Variants in TMEM65 observed in about 807,000 individuals in gnomAD.
TMEM65 encodes transmembrane protein 65.
TMEM65 carries 22 observed loss-of-function variants against 25.4 expected under a neutral mutation model. The ratio of observed to expected loss-of-function variants is 0.86; its 90% confidence interval spans 0.62 to 1.23. The LOEUF is 1.23. TMEM65 is among the 50% of genes most tolerant of loss of function. TMEM65 has a pLI of 0.00. For missense variants in TMEM65, 262 were observed against 308.2 expected, an observed-to-expected ratio of 0.85 and a Z score of 1.12; for synonymous variants, 132 against 126.2, an observed-to-expected ratio of 1.05 and a Z score of -0.31.
At chr8:124,351,699 T>G (rs1586469691) in intron 1 of TMEM65, among the ~76,000 whole-genome samples, 1 of 152,178 alleles carries the variant, frequency 6.6e-6, no homozygotes, top group Admixed American at 6.5e-5. Flanking sequence ...CCAGGGTCAC[T>G]TCCCCTGAAA....
At position 124,311,933 on chromosome 8, in the gene TMEM65, T is replaced by C. The variant is rs1814166858; in HGVS notation, c.*2027A>G. 6.6e-6 allele frequency: 1 copy of C among 152,526 alleles called. No individual in the cohort carries two copies. Among genetic ancestry groups the C allele is most frequent in the South Asian group, 2.1e-4 (1 of 4,824 alleles). 9.4% of individuals were successfully genotyped at this position (152,526 alleles called of 1,614,324 possible). ...AACCAGTAATTCCCTGGGACCAGAT[T>C]ACTTTCAAGAGCAAGAAGAAAAAAC... On this transcript the variant is annotated 3_prime_UTR_variant, in exon 7 of 7. Coordinates refer to ENST00000297632, the MANE Select transcript of TMEM65 (RefSeq NM_194291.3).
intron 6 of TMEM65, among the ~76,000 whole-genome samples, chr8:124,315,922 G>A (rs1814232018): frequency 1.3e-5 from 2 of 152,098 alleles, no homozygotes; most frequent in Admixed American, 1.3e-4. Flanking sequence ...TATATGCATA[G>A]AGAAATCATT....
At chr8:124,339,050 G>A (rs958403873) in intron 1 of TMEM65, among the ~76,000 whole-genome samples, 42 of 150,926 alleles carry the variant, frequency 2.8e-4, no homozygotes, top group African/African-American at 8.0e-4. Flanking sequence ...TTAGCTGGGC[G>A]TGGTGGCAGG....
chr8:124,326,743 G>C (rs1226709428), intron 3 of TMEM65, among the ~76,000 whole-genome samples: 1 of 151,964 alleles, frequency 6.6e-6, no homozygotes, highest in Non-Finnish European at 1.5e-5. Flanking sequence ...TCCATTAGCA[G>C]GCCTTATATA....
chr8:124,319,620 G>A (rs998988303), intron 6 of TMEM65, among the ~76,000 whole-genome samples: 2 of 151,442 alleles, frequency 1.3e-5, no homozygotes, highest in African/African-American at 2.4e-5. Flanking sequence ...TCAAAAATCG[G>A]CTTAGATCTA....
chr8:124,333,470 C>CGT (rs10660640), intron 1 of TMEM65, among the ~76,000 whole-genome samples: 54,303 of 148,916 alleles, frequency 0.36, 9,691 homozygotes, highest in East Asian at 0.4. Context: ...TGTGTGTGTG[C>CGT]GTGTGTGTGT....
intron 1 of TMEM65, among the ~76,000 whole-genome samples, chr8:124,356,628 T>C (rs1476847184): frequency 6.6e-6 from 1 of 152,214 alleles, no homozygotes; most frequent in Non-Finnish European, 1.5e-5. Context: ...TTTCACGTTA[T>C]TAAATCTAAT....
intron 3 of TMEM65, 73 bp downstream of exon 3, chr8:124,327,281 A>G (rs1814375832): frequency 1.9e-6 from 2 of 1,045,292 alleles, no homozygotes; most frequent in Admixed American, 2.5e-5. Context: ...ATCACAATAG[A>G]AAAATTATTA....
chr8:124,371,677 C>A, intron 1 of TMEM65, among the ~76,000 whole-genome samples, 177 bp downstream of exon 1: 1 of 152,056 alleles, frequency 6.6e-6, no homozygotes, highest in East Asian at 1.9e-4. Context: ...GAAACTCGGG[C>A]GGCGGAAAGT....
At chr8:124,319,981 C>A (rs983864857) in intron 6 of TMEM65, 105 bp downstream of exon 6, 2 of 797,024 alleles carry the variant, frequency 2.5e-6, no homozygotes, top group Non-Finnish European at 3.8e-6. Flanking sequence ...TTGTTAAAAA[C>A]TCCATTCAAA....
At chr8:124,352,601 T>G (rs1465931570) in intron 1 of TMEM65, among the ~76,000 whole-genome samples, 1 of 152,116 alleles carries the variant, frequency 6.6e-6, no homozygotes, top group Admixed American at 6.6e-5. Flanking sequence ...GACAGACTCC[T>G]AGAAGAGGTA....
In TMEM65 at chr8:124,312,963, A is replaced by C. The variant is rs1053417776; in HGVS notation, c.*997T>G. On this transcript the variant is annotated 3_prime_UTR_variant, in exon 7 of 7. Coordinates refer to ENST00000297632, the MANE Select transcript of TMEM65 (RefSeq NM_194291.3). ...CTTATTCCATTCAGATGAGAAGATG[A>C]CATCTTTGGAGGGAAAAAAAAAAAC... 8.6e-5 allele frequency: 13 copies of C among 150,682 alleles called. No individual in the cohort carries two copies. Among genetic ancestry groups the C allele is most frequent in the African/African-American group, 3.2e-4 (13 of 40,454 alleles). The allele number at this position is 150,682 out of a possible 1,614,324, so 9.3% of individuals were successfully genotyped here.
intron 3 of TMEM65, among the ~76,000 whole-genome samples, chr8:124,323,997 TGAA>T (rs1814336735): frequency 6.6e-6 from 1 of 152,090 alleles, no homozygotes; most frequent in Admixed American, 6.6e-5. Context: ...ATCATTCCTC[TGAA>T]GAAAAGAGGG....
chr8:124,346,909 A>G (rs1814645824), intron 1 of TMEM65, among the ~76,000 whole-genome samples: 1 of 152,254 alleles, frequency 6.6e-6, no homozygotes, highest in African/African-American at 2.4e-5. Flanking sequence ...TAGAACCAAA[A>G]GTTCAAATGA....
At chr8:124,338,165 A>G (rs72711174) in intron 1 of TMEM65, among the ~76,000 whole-genome samples, 52,113 of 151,906 alleles carry the variant, frequency 0.34, 10,124 homozygotes, top group Non-Finnish European at 0.44. Context: ...AAAGCATTAA[A>G]TAATGAATAT....
chr8:124,320,541 T>C (rs1393632834), intron 5 of TMEM65, among the ~76,000 whole-genome samples: 3 of 152,198 alleles, frequency 2.0e-5, no homozygotes, highest in African/African-American at 4.8e-5. Flanking sequence ...TTTGTACAGA[T>C]AATTAGAATT....
chr8:124,367,695 T>C (rs189842499), intron 1 of TMEM65, among the ~76,000 whole-genome samples: 3 of 152,328 alleles, frequency 2.0e-5, no homozygotes, highest in African/African-American at 7.2e-5. Context: ...TTATACTATA[T>C]GGCAAGTTCT....
chr8:124,354,925 A>G (rs1404667726), intron 1 of TMEM65, among the ~76,000 whole-genome samples: 1 of 152,256 alleles, frequency 6.6e-6, no homozygotes, highest in Non-Finnish European at 1.5e-5. Flanking sequence ...TTGTTGTGCC[A>G]TACTTGAAAC....
In TMEM65 at chr8:124,371,889, T is replaced by C; in HGVS notation, c.269A>G (p.Glu90Gly). 6.5e-7 allele frequency: 1 copy of C among 1,549,402 alleles called. No homozygotes were observed. The highest frequency in any genetic ancestry group is 8.7e-7 in the Non-Finnish European group (1 of 1,152,776). ...GGCAATAGACTCGAAGCGGTGCAGC[T>C]CTTTGAGCAGGCAGCTCCTCTCCGT... ...HSTERSCLLK[E>G]LHRFESIAIA... Residue 90 changes from glutamate (E) to glycine (G), a missense_variant, in exon 1 of 7, where the codon GAG becomes GGG. Coordinates refer to ENST00000297632, the MANE Select transcript of TMEM65 (RefSeq NM_194291.3).
Sources: gnomAD v4.1 joint callset for allele counts (sites outside exome capture counted in the v4.1 genomes callset) on GRCh38, gnomAD v4.1.1 for gene constraint, MANE v1.5 for transcripts, NCBI Gene and HGNC (gene_info 2026-07-23, HGNC 2026-07-21) for gene names.